PTPRA: variants seen among roughly 807,000 people sequenced by gnomAD.
PTPRA encodes the protein protein tyrosine phosphatase receptor type A, also known as receptor-type tyrosine-protein phosphatase alpha.
Under a neutral mutation model 104.8 loss-of-function variants are expected in PTPRA, and 25 were observed. The ratio of observed to expected loss-of-function variants is 0.24; its 90% CI spans 0.17 to 0.33. The LOEUF (loss-of-function observed/expected upper bound fraction) is 0.33. PTPRA is among the 10% of genes least tolerant of loss of function. The pLI, the probability that PTPRA is intolerant of heterozygous loss-of-function variation, is 1.00. For missense variants in PTPRA, 765 were observed against 1,015.3 expected, an observed-to-expected ratio of 0.75 and a Z score of 3.35; for synonymous variants, 323 against 368.9, an observed-to-expected ratio of 0.88 and a Z score of 1.43.
chr20:3,002,475 T>C (rs2063679545), intron 9 of PTPRA, among the ~76,000 whole-genome samples: 1 of 151,988 alleles, frequency 6.6e-6, no homozygotes, highest in African/African-American at 2.4e-5. Flanking sequence ...TACAGGCATG[T>C]GCCACCATAC....
intron 19 of PTPRA, 25 bp from the exon 20 acceptor site, chr20:3,027,682 C>T: frequency 2.5e-6 from 4 of 1,611,400 alleles, no homozygotes; most frequent in Non-Finnish European, 3.4e-6. Flanking sequence ...CCATCTCACC[C>T]TTGCAATTAA....
intron 2 of PTPRA, among the ~76,000 whole-genome samples, chr20:2,931,270 G>A (rs1429318797): frequency 6.6e-6 from 1 of 152,156 alleles, no homozygotes; most frequent in Non-Finnish European, 1.5e-5. Context: ...GGTTATGCAA[G>A]TAGAAAGACC....
At chr20:2,997,323 C>G (rs2063440352) in intron 9 of PTPRA, among the ~76,000 whole-genome samples, 1 of 152,024 alleles carries the variant, frequency 6.6e-6, no homozygotes, top group Non-Finnish European at 1.5e-5. Flanking sequence ...TGACTTAAAA[C>G]AAGCATATTC....
rs370630330 is a variant in PTPRA, at chr20:3,037,157, C to T, written c.2202C>T (p.Ala734=). 42 of 1,613,760 alleles carry T rather than the reference C, an allele frequency of 2.6e-5. No homozygotes were observed. Among genetic ancestry groups the T allele is most frequent in the Admixed American group, 1.8e-4 (11 of 59,980 alleles). The change falls in exon 23 of 24, where the codon GCC becomes GCT. Residue 734 remains alanine (A), a synonymous_variant. Transcript: ENST00000399903. This position sits in a 1 kb window ranked among gnomAD's most constrained non-coding sequence, Gnocchi z 4.3. Reference sequence around the variant, plus strand: ...AAATGTGTCTGCTCTGTTGCAGCGCCGGGGCAGGAAGGACGGGGACCTTCT... The same window carrying T: ...AAATGTGTCTGCTCTGTTGCAGCGCTGGGGCAGGAAGGACGGGGACCTTCT... The part of the protein sequence containing the change: ...GNHPITVHCS[A]GAGRTGTFCA...
intron 1 of PTPRA, among the ~76,000 whole-genome samples, chr20:2,920,264 T>G (rs766619282): frequency 2.6e-5 from 4 of 152,120 alleles, no homozygotes; most frequent in Admixed American, 6.5e-5. Flanking sequence ...GGTTTGGAGT[T>G]TGGAAAGAGC....
rs962326516 is a variant in PTPRA, at chr20:2,908,518, G to A, written c.-128-14689G>A. 3.3e-5 allele frequency among the ~76,000 whole-genome samples: 5 copies of A among 152,110 alleles called. No individual in the cohort carries two copies. The East Asian group carries it at 5.8e-4, about 18-fold the overall frequency. On this transcript the variant is annotated intron_variant, in intron 1 of 23. Coordinates refer to ENST00000399903, the MANE Select transcript of PTPRA (RefSeq NM_001385305.1). ...GATCCACAGATACCAAGGGATGACC[G>A]TAGAGTCATTGCATAATAAACAAAA...
intron 2 of PTPRA, among the ~76,000 whole-genome samples, chr20:2,942,908 A>G (rs1431330897): frequency 6.6e-6 from 1 of 152,042 alleles, no homozygotes; most frequent in African/African-American, 2.4e-5. Flanking sequence ...CATAGCTGTG[A>G]TAAAGTTTAA....
At chr20:2,909,707 A>G (rs1411327160) in intron 1 of PTPRA, among the ~76,000 whole-genome samples, 1 of 146,510 alleles carries the variant, frequency 6.8e-6, no homozygotes, top group African/African-American at 2.5e-5. Context: ...TGAATTTCAT[A>G]TAATTTTTCC....
At chr20:2,978,842 A>G (rs979574451) in intron 6 of PTPRA, among the ~76,000 whole-genome samples, 2 of 152,198 alleles carry the variant, frequency 1.3e-5, no homozygotes, top group Admixed American at 6.5e-5. Flanking sequence ...TTTATTTACA[A>G]AAACAGGCAG....
At chr20:2,926,097 C>A (rs575927159) in intron 2 of PTPRA, among the ~76,000 whole-genome samples, 2 of 152,096 alleles carry the variant, frequency 1.3e-5, no homozygotes, top group South Asian at 4.1e-4. Context: ...CTTCTTAATT[C>A]TTTTATTAAT....
At chr20:2,897,681 C>T (rs1320789185) in intron 1 of PTPRA, among the ~76,000 whole-genome samples, 1 of 152,094 alleles carries the variant, frequency 6.6e-6, no homozygotes. Flanking sequence ...AGCCACCGTG[C>T]CCAGCCAATC....
chr20:2,999,670 T>G (rs556489347), intron 9 of PTPRA, among the ~76,000 whole-genome samples: 15 of 152,296 alleles, frequency 9.8e-5, no homozygotes, highest in African/African-American at 3.6e-4. Context: ...ATAAATGAAA[T>G]TGAATGCTTG....
At chr20:2,969,985 T>TAAATAAATA (rs980648673) in intron 5 of PTPRA, among the ~76,000 whole-genome samples, 2 of 151,330 alleles carry the variant, frequency 1.3e-5, no homozygotes, top group Non-Finnish European at 2.9e-5. Flanking sequence ...AAATAATAAA[T>TAAATAAATA]AAATAAATAA....
chr20:2,951,191 C>T (rs1260527598), intron 3 of PTPRA, among the ~76,000 whole-genome samples: 6 of 152,116 alleles, frequency 3.9e-5, no homozygotes, highest in Non-Finnish European at 5.9e-5. Flanking sequence ...GCTCCGACTC[C>T]GGGGTTCACA....
chr20:2,866,595 C>G, the PTPRA span: 1 of 1,612,880 alleles, frequency 6.2e-7, no homozygotes, highest in Admixed American at 1.7e-5. Context: ...CTGTACATCT[C>G]AAGCAAGGGG....
At chr20:2,935,659 A>G (rs1052558718) in intron 2 of PTPRA, among the ~76,000 whole-genome samples, 1 of 152,092 alleles carries the variant, frequency 6.6e-6, no homozygotes, top group Admixed American at 6.5e-5. Flanking sequence ...TGTAAGCTCA[A>G]GTGATCTACT....
intron 1 of PTPRA, among the ~76,000 whole-genome samples, chr20:2,896,779 T>A (rs2059017136): frequency 6.6e-6 from 1 of 152,168 alleles, no homozygotes; most frequent in African/African-American, 2.4e-5. Flanking sequence ...CAAAATTCCC[T>A]CAAGAAAACA....
chr20:2,954,665 A>T (rs183577365), intron 3 of PTPRA, among the ~76,000 whole-genome samples: 1 of 152,226 alleles, frequency 6.6e-6, no homozygotes, highest in African/African-American at 2.4e-5. Flanking sequence ...TCATTCTGTT[A>T]TAGTATCCTT....
Position 3,024,582 on chromosome 20 carries a change from C to T in PTPRA, c.1575C>T (p.Ile525=). The change falls in exon 17 of 24, where the codon ATC becomes ATT. Residue 525 remains isoleucine (I), a synonymous_variant. Coordinates refer to ENST00000399903, the MANE Select transcript of PTPRA (RefSeq NM_001385305.1). ...ACCTGCAGAAAATTTACAACAAAAT[C>T]CCAGGGACCAGCAACAATGGATTAG... ...ETHLQKIYNK[I]PGTSNNGLEE... is the part of the protein sequence containing the mutation. The T allele has an allele frequency of 6.2e-7, 1 of 1,614,130 alleles. No homozygotes were observed. Among genetic ancestry groups the T allele is most frequent in the Non-Finnish European group, 8.5e-7 (1 of 1,180,018 alleles).
Sources: gnomAD v4.1 joint callset for allele counts (sites outside exome capture counted in the v4.1 genomes callset) on GRCh38, gnomAD v4.1.1 for gene constraint, Gnocchi (gnomAD v3.1) non-coding constraint, MANE v1.5 for transcripts, NCBI Gene and HGNC (gene_info 2026-07-23, HGNC 2026-07-21) for gene names.